Variants in FRMD4B observed in about 807,000 individuals in gnomAD.
FRMD4B encodes the protein FERM domain containing 4B.
In FRMD4B, 74 loss-of-function variants were observed where a neutral mutation model predicts 141.5. That is an observed-to-expected ratio of 0.52 (90% confidence interval 0.43 to 0.63). The LOEUF (loss-of-function observed/expected upper bound fraction) is 0.63. FRMD4B is among the 30% of genes least tolerant of loss of function. FRMD4B has a pLI of 0.00. For synonymous variants in FRMD4B, 506 were observed against 467.9 expected, an observed-to-expected ratio of 1.08 and a Z score of -1.05; for missense variants, 1,366 against 1,253.4, an observed-to-expected ratio of 1.09 and a Z score of -1.36.
chr3:69,455,582 G>A (rs536450627), intron 1 of FRMD4B, among the ~76,000 whole-genome samples: 25 of 152,248 alleles, frequency 1.6e-4, no homozygotes, highest in Non-Finnish European at 3.1e-4. Flanking sequence ...AACATCAGAA[G>A]GAACAAACCC....
intron 5 of FRMD4B, among the ~76,000 whole-genome samples, chr3:69,285,191 A>T (rs1456464200): frequency 2.0e-5 from 3 of 152,058 alleles, no homozygotes; most frequent in African/African-American, 7.2e-5. Context: ...AAAAAAACAA[A>T]AACAAAAACT....
intron 11 of FRMD4B, among the ~76,000 whole-genome samples, chr3:69,209,638 G>A (rs1273734215): frequency 6.6e-6 from 1 of 152,194 alleles, no homozygotes; most frequent in African/African-American, 2.4e-5. Context: ...TGTAGGATGG[G>A]AGTTCTCCTC....
intron 4 of FRMD4B, among the ~76,000 whole-genome samples, chr3:69,292,815 C>CTTTTTTTTT (rs35818040): frequency 1.7e-5 from 2 of 120,938 alleles, no homozygotes; most frequent in Non-Finnish European, 3.3e-5. Context: ...TTTTTTCAGC[C>CTTTTTTTTT]TTTTTTTTTT....
At chr3:69,522,269 A>C (rs1191486267) in intron 1 of FRMD4B, among the ~76,000 whole-genome samples, 1 of 151,980 alleles carries the variant, frequency 6.6e-6, no homozygotes, top group Admixed American at 6.6e-5. Context: ...GAGGAGAGAA[A>C]TTTTGATTCA....
At chr3:69,423,139 A>C (rs1382942757) in intron 2 of FRMD4B, among the ~76,000 whole-genome samples, 1 of 152,306 alleles carries the variant, frequency 6.6e-6, no homozygotes, top group South Asian at 2.1e-4. Context: ...CTCCAAAATC[A>C]ATACTCAAGG....
chr3:69,276,488 G>C (rs1015259015), intron 5 of FRMD4B, among the ~76,000 whole-genome samples: 1 of 152,070 alleles, frequency 6.6e-6, no homozygotes, highest in South Asian at 2.1e-4. Context: ...TGCCCAGGCT[G>C]GTCTCAATCT....
intron 1 of FRMD4B, among the ~76,000 whole-genome samples, chr3:69,455,497 G>T (rs1056100281): frequency 6.6e-6 from 1 of 152,164 alleles, no homozygotes; most frequent in East Asian, 1.9e-4. Flanking sequence ...CACCGTGAAG[G>T]TCTGCAGCTT....
intron 11 of FRMD4B, among the ~76,000 whole-genome samples, chr3:69,214,164 T>G (rs896735271): frequency 6.6e-6 from 1 of 152,156 alleles, no homozygotes; most frequent in African/African-American, 2.4e-5. Context: ...TCATAACTCA[T>G]AGAAGACTGT....
rs112796056 is a variant in FRMD4B at position 69,504,330 on chromosome 3, T to A, written c.-129+37876A>T. Among the ~76,000 whole-genome samples, 790 of 152,340 alleles carry A rather than the reference T, an allele frequency of 5.2e-3. 6 individuals are homozygous for A. Among genetic ancestry groups the A allele is most frequent in the African/African-American group, 0.018 (750 of 41,566 alleles). On this transcript the variant is annotated intron_variant, in intron 1 of 5. Coordinates refer to the FRMD4B transcript ENST00000459638. Reference sequence around the variant, plus strand: ...TTAACAGCTTCATTGGGATATACTTTACACCTCATAAAATTCACCCACTTA... The same window carrying A: ...TTAACAGCTTCATTGGGATATACTTAACACCTCATAAAATTCACCCACTTA...
intron 2 of FRMD4B, among the ~76,000 whole-genome samples, chr3:69,427,643 G>GTTTTTTTGTTTTTTTTTTT (rs1705106086): frequency 6.1e-4 from 22 of 36,236 alleles, no homozygotes; most frequent in African/African-American, 2.3e-3. Context: ...CTAGGTAAAT[G>GTTTTTTTGTTTTTTTTTTT]TTTTTTTTTT....
chr3:69,223,152 A>AAC (rs1305874654), intron 8 of FRMD4B, among the ~76,000 whole-genome samples: 11 of 152,210 alleles, frequency 7.2e-5, no homozygotes, highest in African/African-American at 2.7e-4. Context: ...TCTCAAGTAT[A>AAC]ACCTAGAAGA....
intron 1 of FRMD4B, among the ~76,000 whole-genome samples, chr3:69,316,195 G>A (rs1312953116): frequency 6.6e-6 from 1 of 152,228 alleles, no homozygotes; most frequent in Non-Finnish European, 1.5e-5. Context: ...CACTGAGGTA[G>A]TGCTAAGAGG....
intron 1 of FRMD4B, among the ~76,000 whole-genome samples, chr3:69,523,494 C>T (rs1347268372): frequency 6.6e-6 from 1 of 152,032 alleles, no homozygotes; most frequent in Admixed American, 6.5e-5. Flanking sequence ...GAGCCCATGC[C>T]GTATGGTTTC....
intron 19 of FRMD4B, among the ~76,000 whole-genome samples, chr3:69,187,416 G>A (rs956854213): frequency 2.0e-5 from 3 of 151,496 alleles, no homozygotes; most frequent in African/African-American, 7.3e-5. Context: ...GTGGTGGCTT[G>A]TAATCCCAGC....
chr3:69,468,927 T>A (rs1705838883), intron 1 of FRMD4B, among the ~76,000 whole-genome samples: 1 of 152,188 alleles, frequency 6.6e-6, no homozygotes, highest in Non-Finnish European at 1.5e-5. Flanking sequence ...AATACAGACC[T>A]ATGGCCTGTA....
intron 1 of FRMD4B, among the ~76,000 whole-genome samples, chr3:69,341,554 T>C (rs968793521): frequency 6.6e-6 from 1 of 152,188 alleles, no homozygotes; most frequent in Non-Finnish European, 1.5e-5. Context: ...ATGTTAATTA[T>C]GGGACACCAC....
At chr3:69,515,783 C>A (rs541283348) in intron 1 of FRMD4B, among the ~76,000 whole-genome samples, 1 of 152,092 alleles carries the variant, frequency 6.6e-6, no homozygotes. Context: ...TATATAGTTT[C>A]TAAATGGAAA....
chr3:69,477,882 G>T (rs1465918394), intron 1 of FRMD4B, among the ~76,000 whole-genome samples: 7 of 151,768 alleles, frequency 4.6e-5, no homozygotes, highest in East Asian at 1.9e-4. Context: ...CAATTTCAGA[G>T]CCTGTTATTG....
intron 2 of FRMD4B, among the ~76,000 whole-genome samples, chr3:69,408,832 C>T (rs905221295): frequency 6.6e-5 from 10 of 152,152 alleles, no homozygotes; most frequent in African/African-American, 2.4e-4. Flanking sequence ...AGGGCTCACT[C>T]CCAAGTTGCA....
Sources: allele counts gnomAD v4.1 joint callset (sites outside exome capture counted in the v4.1 genomes callset), GRCh38; gene constraint gnomAD v4.1.1; transcripts MANE v1.5; gene names NCBI Gene and HGNC (gene_info 2026-07-23, HGNC 2026-07-21).